Variants in ARK2N observed in about 807,000 individuals in gnomAD.
ARK2N encodes the protein arkadia (RNF111) N-terminal like PKA signaling regulator 2N, also known as protein ARK2N.
the ARK2N span, among the ~76,000 whole-genome samples, chr18:46,256,466 T>A: frequency 6.6e-6 from 1 of 152,228 alleles, no homozygotes; most frequent in East Asian, 1.9e-4. Flanking sequence ...ATTATATTTC[T>A]ATGAAAACCT....
At chr18:46,184,039 G>A in the ARK2N span, among the ~76,000 whole-genome samples, 3 of 151,856 alleles carry the variant, frequency 2.0e-5, no homozygotes, top group Admixed American at 2.0e-4. Flanking sequence ...CACCCGGGCT[G>A]GTGTGCAGTG....
At chr18:46,220,161 C>A in the ARK2N span, among the ~76,000 whole-genome samples, 5 of 152,262 alleles carry the variant, frequency 3.3e-5, 1 homozygote, top group South Asian at 1.0e-3. Flanking sequence ...AAATAATACC[C>A]CTCGTGGCAG....
At chr18:46,252,627 T>C in the ARK2N span, among the ~76,000 whole-genome samples, 1 of 151,812 alleles carries the variant, frequency 6.6e-6, no homozygotes, top group Non-Finnish European at 1.5e-5. Flanking sequence ...TTTTTAAATA[T>C]GGGAAATAAT....
the ARK2N span, among the ~76,000 whole-genome samples, chr18:46,189,121 G>A: frequency 6.6e-6 from 1 of 150,828 alleles, no homozygotes; most frequent in Admixed American, 6.6e-5. Context: ...AAGCTGAGGC[G>A]GGAGAATCGC....
At chr18:46,246,872 T>G in the ARK2N span, among the ~76,000 whole-genome samples, 1 of 145,852 alleles carries the variant, frequency 6.9e-6, no homozygotes, top group Admixed American at 7.1e-5. Flanking sequence ...ACCCGGGAGG[T>G]GGAGGTTGCA....
the ARK2N span, among the ~76,000 whole-genome samples, chr18:46,235,956 A>G: frequency 5.3e-4 from 80 of 152,356 alleles, no homozygotes; most frequent in African/African-American, 1.9e-3. Flanking sequence ...ACAACGAAGA[A>G]GGCTTAAGGT....
At chr18:46,245,815 A>G in the ARK2N span, among the ~76,000 whole-genome samples, 18 of 152,320 alleles carry the variant, frequency 1.2e-4, 1 homozygote, top group African/African-American at 4.3e-4. Flanking sequence ...ACTGTTTTCC[A>G]TGATAATTTA....
chr18:46,238,413 G>T, the ARK2N span, among the ~76,000 whole-genome samples: 1 of 152,096 alleles, frequency 6.6e-6, no homozygotes, highest in African/African-American at 2.4e-5. Flanking sequence ...GAACTCTGAC[G>T]AGAACGCCAT....
the ARK2N span, among the ~76,000 whole-genome samples, chr18:46,233,343 G>A: frequency 6.6e-6 from 1 of 152,108 alleles, no homozygotes; most frequent in African/African-American, 2.4e-5. Flanking sequence ...GCTCTTTCTT[G>A]CTGTATGTAG....
At chr18:46,199,736 C>T in the ARK2N span, among the ~76,000 whole-genome samples, 2 of 152,096 alleles carry the variant, frequency 1.3e-5, no homozygotes, top group South Asian at 4.1e-4. Flanking sequence ...AGTGAAGCAG[C>T]TTATGGGACT....
the ARK2N span, among the ~76,000 whole-genome samples, chr18:46,197,204 A>G: frequency 2.0e-5 from 3 of 152,030 alleles, no homozygotes; most frequent in Non-Finnish European, 4.4e-5. Context: ...ATTTTTCCAC[A>G]TGCCAGATAT....
the ARK2N span, among the ~76,000 whole-genome samples, chr18:46,215,370 T>C: frequency 2.6e-5 from 4 of 152,092 alleles, no homozygotes; most frequent in Non-Finnish European, 5.9e-5. Flanking sequence ...CTATTGTAAC[T>C]CCCCTCCTCC....
chr18:46,202,852 A>T, the ARK2N span, among the ~76,000 whole-genome samples: 152,058 of 152,062 alleles, frequency 1, 76,027 homozygotes, highest in Middle Eastern at 1. Context: ...ATTCCTGCCC[A>T]TTTCTTTTCT....
chr18:46,196,620 C>T, the ARK2N span, among the ~76,000 whole-genome samples: 5 of 152,106 alleles, frequency 3.3e-5, no homozygotes, highest in Admixed American at 1.3e-4. Flanking sequence ...TATTTTTGTA[C>T]CTATTGTTGC....
At chr18:46,204,055 C>CA in the ARK2N span, among the ~76,000 whole-genome samples, 2 of 150,780 alleles carry the variant, frequency 1.3e-5, no homozygotes, top group Non-Finnish European at 2.9e-5. Flanking sequence ...AATAGACCTG[C>CA]ATGGAAGGTT....
At chr18:46,246,196 G>GCAC in the ARK2N span, among the ~76,000 whole-genome samples, 3 of 152,042 alleles carry the variant, frequency 2.0e-5, no homozygotes, top group African/African-American at 7.3e-5. Context: ...TATGCTTTAG[G>GCAC]CACTGTTCTG....
the ARK2N span, among the ~76,000 whole-genome samples, chr18:46,258,478 G>A: frequency 6.6e-6 from 1 of 152,094 alleles, no homozygotes; most frequent in African/African-American, 2.4e-5. Flanking sequence ...CATTTCCACT[G>A]TGCAGCCTTT....
chr18:46,209,290 CTTT>C, the ARK2N span, among the ~76,000 whole-genome samples: 13 of 138,640 alleles, frequency 9.4e-5, no homozygotes, highest in African/African-American at 3.2e-4. Context: ...TACTTCTCCA[CTTT>C]TTTTTTTTTT....
At chr18:46,229,464 CAG>C in the ARK2N span, among the ~76,000 whole-genome samples, 1 of 151,042 alleles carries the variant, frequency 6.6e-6, no homozygotes. Flanking sequence ...TCTCCTGCCT[CAG>C]CCTCCTGAGT....
Sources: gnomAD v4.1 joint callset for allele counts (sites outside exome capture counted in the v4.1 genomes callset) on GRCh38, gnomAD v4.1.1 for gene constraint, MANE v1.5 for transcripts, NCBI Gene and HGNC (gene_info 2026-07-23, HGNC 2026-07-21) for gene names.